Variants in ZMYM4 observed in about 807,000 individuals in gnomAD.
ZMYM4 encodes zinc finger MYM-type protein 4.
ZMYM4 carries 31 observed loss-of-function variants against 183.2 expected under a neutral mutation model. The observed-to-expected ratio is 0.17, with a 90% CI of 0.13 to 0.23. The LOEUF (loss-of-function observed/expected upper bound fraction) is 0.23, where lower values mean the gene tolerates loss of function less well. ZMYM4 is among the 10% of genes least tolerant of loss of function. The pLI is 1.00. For missense variants in ZMYM4, 1,273 were observed against 1,840.3 expected (o/e 0.69, Z 5.64); for synonymous variants, 592 against 631.2 (o/e 0.94, Z 0.93).
intron 2 of ZMYM4, among the ~76,000 whole-genome samples, chr1:35,334,102 G>C (rs897695511): frequency 1.3e-5 from 2 of 151,546 alleles, no homozygotes; most frequent in Admixed American, 1.3e-4. Flanking sequence ...GATCGCTTGA[G>C]CCCAGGAGTT....
intron 23 of ZMYM4, chr1:35,400,159 GTAA>G (rs1225543102): frequency 1.5e-5 from 2 of 136,082 alleles, no homozygotes; most frequent in South Asian, 2.3e-4. Context: ...AAAAAAAAAA[GTAA>G]TAATAAATAA....
chr1:35,291,123 C>A (rs1440314588), intron 1 of ZMYM4, among the ~76,000 whole-genome samples: 2 of 151,946 alleles, frequency 1.3e-5, no homozygotes, highest in East Asian at 3.9e-4. Flanking sequence ...TTTATATAAA[C>A]ATGTTTTCAT....
intron 23 of ZMYM4, among the ~76,000 whole-genome samples, chr1:35,402,882 A>AC (rs1485801914): frequency 6.6e-6 from 1 of 152,080 alleles, no homozygotes; most frequent in African/African-American, 2.4e-5. Flanking sequence ...GTTTTATTGA[A>AC]CTAGCTAGTA....
intron 1 of ZMYM4, among the ~76,000 whole-genome samples, chr1:35,299,497 G>T (rs1176937968): frequency 6.6e-6 from 1 of 152,134 alleles, no homozygotes; most frequent in Non-Finnish European, 1.5e-5. Context: ...GTTACTTGGT[G>T]TACACCCTTT....
At chr1:35,385,300 C>T in intron 9 of ZMYM4, 142 bp from the exon 10 acceptor site, 1 of 885,286 alleles carries the variant, frequency 1.1e-6, no homozygotes. Flanking sequence ...TACCATGAAA[C>T]TTCCTATTGA....
chr1:35,282,886 C>T (rs887569245), intron 1 of ZMYM4, among the ~76,000 whole-genome samples: 1 of 149,126 alleles, frequency 6.7e-6, no homozygotes, highest in Non-Finnish European at 1.5e-5. Context: ...ACCTTTTGCA[C>T]AGGGGCTATA....
chr1:35,310,312 A>G, intron 1 of ZMYM4: 1 of 223,560 alleles, frequency 4.5e-6, no homozygotes, highest in Non-Finnish European at 8.8e-6. Flanking sequence ...AGATTTTAAA[A>G]GGTATAAGCT....
chr1:35,383,126 A>G (rs1230423363), intron 9 of ZMYM4, among the ~76,000 whole-genome samples: 2 of 152,244 alleles, frequency 1.3e-5, no homozygotes, highest in African/African-American at 4.8e-5. Flanking sequence ...CTCTATAACA[A>G]ATGTCTTTTA....
intron 7 of ZMYM4, among the ~76,000 whole-genome samples, chr1:35,380,957 T>C (rs1644445547): frequency 1.3e-5 from 2 of 152,204 alleles, no homozygotes; most frequent in South Asian, 4.1e-4. Context: ...AAATCTCGTA[T>C]AATCCCTCCT....
chr1:35,295,519 A>G (rs1197355520), intron 1 of ZMYM4, among the ~76,000 whole-genome samples: 3 of 152,296 alleles, frequency 2.0e-5, no homozygotes, highest in East Asian at 3.9e-4. Context: ...TGTTCTGTAC[A>G]TTGTAGGACG....
Position 35,349,697 on chromosome 1 carries a change from G to A in ZMYM4, c.86-9228G>A, listed in dbSNP as rs369940370. 6.6e-5 allele frequency among the ~76,000 whole-genome samples: 10 copies of A among 151,884 alleles called. No homozygotes were observed. The East Asian group carries it at 9.8e-4, about 15-fold the overall frequency. The stretch of plus-strand genomic sequence containing the variant: ...ACAAAAAAACCAGCCAGGCGTGGTG[G>A]TGGGCACCTGTAATCCCAGCTGCTT... On this transcript the variant is annotated intron_variant, in intron 2 of 29. Transcript: ENST00000314607.
rs1297512713 is a variant in ZMYM4 at position 35,337,274 on chromosome 1, A to C, written c.85+11869A>C. On this transcript the variant is annotated intron_variant, in intron 2 of 29. Transcript: ENST00000314607. ...CTACTTGGGAAACTGAGGCAGGGGA[A>C]TCGCTTGAACCTGGGAGATGGAGGT... Among the ~76,000 whole-genome samples the C allele has an allele frequency of 9.2e-5, 14 of 152,276 alleles. No homozygotes were observed. The East Asian group carries it at 9.6e-4, about 10-fold the overall frequency.
chr1:35,398,754 C>A, intron 21 of ZMYM4, 110 bp from the exon 22 acceptor site: 1 of 1,095,006 alleles, frequency 9.1e-7, no homozygotes. Flanking sequence ...AGGTAATTGT[C>A]CATCAACCGT....
intron 2 of ZMYM4, among the ~76,000 whole-genome samples, chr1:35,337,720 G>A (rs1643034182): frequency 6.6e-6 from 1 of 151,832 alleles, no homozygotes; most frequent in Admixed American, 6.6e-5. Context: ...TGAGGCGGGT[G>A]GATCACCTGA....
intron 1 of ZMYM4, among the ~76,000 whole-genome samples, chr1:35,283,324 A>ATTTTTT (rs1640288049): frequency 1.3e-5 from 1 of 79,598 alleles, no homozygotes; most frequent in African/African-American, 5.9e-5. Context: ...GTGAAGTGGT[A>ATTTTTT]TCTTTTTTTT....
intron 2 of ZMYM4, among the ~76,000 whole-genome samples, chr1:35,331,466 AG>A (rs1274938670): frequency 1.3e-5 from 2 of 152,176 alleles, no homozygotes; most frequent in Non-Finnish European, 2.9e-5. Context: ...AGTAACTTAC[AG>A]CAATTTCAGC....
At chr1:35,314,001 T>A (rs1641922551) in intron 1 of ZMYM4, among the ~76,000 whole-genome samples, 1 of 152,162 alleles carries the variant, frequency 6.6e-6, no homozygotes, top group South Asian at 2.1e-4. Context: ...TGCTTAACTT[T>A]AGGTATCACT....
chr1:35,328,095 A>T (rs1329191386), intron 2 of ZMYM4, among the ~76,000 whole-genome samples: 1 of 152,162 alleles, frequency 6.6e-6, no homozygotes, highest in Non-Finnish European at 1.5e-5. Flanking sequence ...ATGGATTGTT[A>T]AAGTTGTTGC....
chr1:35,325,222 G>A, intron 1 of ZMYM4, 138 bp from the exon 2 acceptor site: 1 of 670,978 alleles, frequency 1.5e-6, no homozygotes, highest in Non-Finnish European at 2.3e-6. Flanking sequence ...ACTCTATTTG[G>A]CAATGTTTTT....
Sources: gnomAD v4.1 joint callset for allele counts (sites outside exome capture counted in the v4.1 genomes callset) on GRCh38, gnomAD v4.1.1 for gene constraint, MANE v1.5 for transcripts, NCBI Gene and HGNC (gene_info 2026-07-23, HGNC 2026-07-21) for gene names.